The following IL18RAP variants were observed in gnomAD, a reference collection of about 807,000 sequenced individuals.
IL18RAP encodes the protein interleukin-18 receptor accessory protein.
Under a neutral mutation model 58.1 loss-of-function variants are expected in IL18RAP, and 37 were observed. That is an observed-to-expected ratio of 0.64 (90% CI 0.49 to 0.84). The LOEUF (loss-of-function observed/expected upper bound fraction) is 0.84. IL18RAP is among the 40% of genes least tolerant of loss of function. IL18RAP has a pLI of 0.00. For missense variants in IL18RAP, 667 were observed against 704.8 expected, an observed-to-expected ratio of 0.95 and a Z score of 0.61; for synonymous variants, 268 against 257.5, an observed-to-expected ratio of 1.04 and a Z score of -0.39.
chr2:102,451,072 G>A (rs1172870933), intron 9 of IL18RAP, 51 bp downstream of exon 9: 1 of 1,418,758 alleles, frequency 7.0e-7, no homozygotes, highest in South Asian at 1.5e-5. Flanking sequence ...GCAGTTCAAT[G>A]CAATCCCCAA....
intron 3 of IL18RAP, among the ~76,000 whole-genome samples, chr2:102,435,756 A>G (rs1015848852): frequency 1.3e-5 from 2 of 152,182 alleles, no homozygotes; most frequent in African/African-American, 4.8e-5. Context: ...CTGCAGTATA[A>G]TATTATAATA....
chr2:102,448,093 A>G (rs181163784), intron 8 of IL18RAP, among the ~76,000 whole-genome samples: 70 of 152,306 alleles, frequency 4.6e-4, no homozygotes, highest in Non-Finnish European at 2.5e-4. Context: ...GTGCCAGACT[A>G]TGGCTGTTTC....
intron 8 of IL18RAP, among the ~76,000 whole-genome samples, chr2:102,450,117 C>T (rs1051341435): frequency 4.6e-4 from 8 of 17,580 alleles, no homozygotes; most frequent in Admixed American, 1.5e-3. Context: ...TATCCCATTC[C>T]GAAGCCTGTG....
At chr2:102,432,866 T>C (rs759595768) in intron 3 of IL18RAP, among the ~76,000 whole-genome samples, 2 of 152,254 alleles carry the variant, frequency 1.3e-5, no homozygotes, top group Non-Finnish European at 2.9e-5. Flanking sequence ...ACTTTTTCTA[T>C]ATATTTTTCT....
Position 102,450,848 on chromosome 2 carries a change from A to G in IL18RAP, c.1211A>G (p.Asp404Gly). ...TTTTATAAATTTTCCTATTCTTCAG[A>G]TAAAAAGGATTTTGATGCTTTCGTA... ...TYQSKDQTLG[D>G]KKDFDAFVSY... is the part of the protein sequence containing the mutation. The change falls in exon 9 of 10, where the codon GAT (aspartate) becomes GGT (glycine). Residue 404 changes from aspartate (D) to glycine (G), a missense_variant and splice_region_variant. By Grantham distance (94) the Asp-to-Gly change is moderately conservative. Transcript: ENST00000687160. The G allele has an allele frequency of 1.3e-6, 2 of 1,574,964 alleles. No individual in the cohort carries two copies. Among genetic ancestry groups the G allele is most frequent in the Non-Finnish European group, 1.7e-6 (2 of 1,164,884 alleles).
At chr2:102,445,082 C>A in intron 6 of IL18RAP, 107 bp from the exon 7 acceptor site, 1 of 892,344 alleles carries the variant, frequency 1.1e-6, no homozygotes. Flanking sequence ...ATTGATCTCA[C>A]AGTTCTCTAA....
Position 102,445,127 on chromosome 2 carries a change from A to G in IL18RAP, c.921-62A>G, listed in dbSNP as rs2104373513. On this transcript the variant is annotated intron_variant, in intron 6 of 9. Coordinates refer to ENST00000687160, the MANE Select transcript of IL18RAP (RefSeq NM_001393487.1). ...TGTTGGCTGCTTATACGTGTTCCAA[A>G]TGCTGCAAATGGGTGTCAATGTATG... 2.0e-6 allele frequency: 3 copies of G among 1,498,996 alleles called. No individual in the cohort carries two copies. The East Asian group carries it at 6.8e-5, about 34-fold the overall frequency. The allele number at this position is 1,498,996 out of a possible 1,614,324, so 92.9% of individuals were successfully genotyped here.
upstream of IL18RAP, chr2:102,423,045 T>C (rs777511071): frequency 1.9e-5 from 11 of 567,020 alleles, no homozygotes; most frequent in East Asian, 2.9e-5. Context: ...CTACACACCA[T>C]TGGAAATACT....
At chr2:102,425,527 A>G (rs1681885190) in intron 3 of IL18RAP, among the ~76,000 whole-genome samples, 1 of 152,070 alleles carries the variant, frequency 6.6e-6, no homozygotes, top group African/African-American at 2.4e-5. Flanking sequence ...TCTCAATAAA[A>G]CCCTAATTTC....
At chr2:102,432,796 A>T (rs1682469967) in intron 3 of IL18RAP, among the ~76,000 whole-genome samples, 1 of 152,220 alleles carries the variant, frequency 6.6e-6, no homozygotes, top group African/African-American at 2.4e-5. Context: ...TTATTAATTA[A>T]AATATTTAAT....
chr2:102,450,836 C>A lies in IL18RAP; in HGVS notation c.1211-12C>A. 1 of 1,552,574 alleles carries A rather than the reference C, an allele frequency of 6.4e-7. No individual in the cohort carries two copies. Among genetic ancestry groups the A allele is most frequent in the South Asian group, 1.2e-5 (1 of 80,450 alleles). ...AATGACTTATGTTTTTATAAATTTTCCTATTCTTCAGATAAAAAGGATTTT... is the reference window on the plus strand; with the variant it reads ...AATGACTTATGTTTTTATAAATTTTACTATTCTTCAGATAAAAAGGATTTT... On this transcript the variant is annotated splice_polypyrimidine_tract_variant and intron_variant, in intron 8 of 9. Coordinates refer to ENST00000687160, the MANE Select transcript of IL18RAP (RefSeq NM_001393487.1).
intron 3 of IL18RAP, among the ~76,000 whole-genome samples, chr2:102,427,998 T>C (rs545517100): frequency 1.2e-3 from 176 of 151,658 alleles, no homozygotes; most frequent in Non-Finnish European, 2.2e-3. Context: ...TTTTTTTTAA[T>C]TTATTGACCA....
chr2:102,430,461 C>A (rs1682267253), intron 3 of IL18RAP, among the ~76,000 whole-genome samples: 1 of 151,982 alleles, frequency 6.6e-6, no homozygotes, highest in African/African-American at 2.4e-5. Context: ...ATTAGTAAAT[C>A]TCTTGAAGGC....
intron 3 of IL18RAP, among the ~76,000 whole-genome samples, chr2:102,425,277 A>G (rs762592985): frequency 9.2e-5 from 14 of 152,212 alleles, no homozygotes; most frequent in Non-Finnish European, 1.5e-4. Flanking sequence ...CTACTGATTA[A>G]AATCAGAAAG....
intron 3 of IL18RAP, among the ~76,000 whole-genome samples, chr2:102,429,964 A>C (rs576875858): frequency 6.6e-6 from 1 of 152,032 alleles, no homozygotes; most frequent in African/African-American, 2.4e-5. Context: ...AAAGTTGTTA[A>C]GACTTATCTT....
chr2:102,418,640 A>T (rs1681389087), upstream of IL18RAP: 1 of 152,262 alleles, frequency 6.6e-6, no homozygotes, highest in African/African-American at 2.4e-5. Context: ...AGCACTTCCT[A>T]CTGAAAGAGG....
intron 5 of IL18RAP, among the ~76,000 whole-genome samples, 158 bp from the exon 6 acceptor site, chr2:102,443,042 G>A (rs560050635): frequency 6.6e-6 from 1 of 152,320 alleles, no homozygotes; most frequent in South Asian, 2.1e-4. Flanking sequence ...ATTTCTGAAT[G>A]AGAGCTGTGT....
rs144196258 is a variant in IL18RAP, at chr2:102,450,946, C to T, written c.1309C>T (p.Leu437=). The change falls in exon 9 of 10, where the codon CTA becomes TTA. Residue 437 remains leucine, a synonymous_variant. Transcript: ENST00000687160. ...SLSEEHLALS[L]FPDVLENKYG... ...GAGTGAAGAACACTTGGCCCTGAGCCTATTTCCTGATGTTTTAGAAAACAA... is the reference window on the plus strand; with the variant it reads ...GAGTGAAGAACACTTGGCCCTGAGCTTATTTCCTGATGTTTTAGAAAACAA... 566 of 1,612,064 alleles carry T rather than the reference C, an allele frequency of 3.5e-4. 2 individuals are homozygous for T. The African/African-American group carries it at 6.5e-3, about 18-fold the overall frequency.
chr2:102,447,258 T>A (rs374619663), intron 8 of IL18RAP, 51 bp downstream of exon 8: 2 of 1,590,780 alleles, frequency 1.3e-6, no homozygotes, highest in Admixed American at 1.7e-5. Flanking sequence ...GGGAATTGAC[T>A]TGGAGCAGGA....
Sources: allele counts gnomAD v4.1 joint callset (sites outside exome capture counted in the v4.1 genomes callset), GRCh38; gene constraint gnomAD v4.1.1; transcripts MANE v1.5; gene names NCBI Gene and HGNC (gene_info 2026-07-23, HGNC 2026-07-21).